ZNF233: variants seen among roughly 807,000 people sequenced by gnomAD.
The protein encoded by ZNF233 is zinc finger protein 233.
Under a neutral mutation model 11.6 loss-of-function variants are expected in ZNF233, and 7 were observed. That is an observed-to-expected ratio of 0.60 (90% CI 0.34 to 1.13). The LOEUF is 1.13. Among genes scored for constraint, ZNF233 ranks in the 50% most tolerant of loss-of-function variants. The pLI, the probability that ZNF233 is intolerant of heterozygous loss-of-function variation, is 0.03. For synonymous variants in ZNF233, 226 were observed against 268.5 expected (o/e 0.84, Z 1.55); for missense variants, 711 against 785.5 (o/e 0.91, Z 1.13).
At chr19:44,263,411 C>T (rs1401977588) in intron 1 of ZNF233, among the ~76,000 whole-genome samples, 9 of 151,990 alleles carry the variant, frequency 5.9e-5, no homozygotes, top group Non-Finnish European at 1.2e-4. Flanking sequence ...CTCATTAATC[C>T]CCAAAGCAAC....
intron 4 of ZNF233, among the ~76,000 whole-genome samples, chr19:44,268,734 A>C (rs1975160775): frequency 6.6e-6 from 1 of 152,074 alleles, no homozygotes; most frequent in East Asian, 1.9e-4. Flanking sequence ...TCATCCATAC[A>C]CCCAGTGACA....
In ZNF233 at chr19:44,273,133, T is replaced by C; in HGVS notation, c.473T>C (p.Val158Ala). The change falls in exon 5 of 5, where the codon GTA (valine) becomes GCA (alanine). Residue 158 changes from valine to alanine, a missense_variant. By Grantham distance (64) the Val-to-Ala change is moderately conservative (BLOSUM62 0). Coordinates refer to ENST00000683810, the MANE Select transcript of ZNF233 (RefSeq NM_001207005.2). Reference sequence around the variant, plus strand: ...CAGGTCTCTGAAGATGAGAACTATGTAATAAAGCTACAAGGGGAGAGTTCA... The same window carrying C: ...CAGGTCTCTGAAGATGAGAACTATGCAATAAAGCTACAAGGGGAGAGTTCA... ...SSQVSEDENY[V>A]IKLQGESSNS... 6.2e-7 allele frequency: 1 copy of C among 1,613,970 alleles called. No homozygotes were observed. Among genetic ancestry groups the C allele is most frequent in the South Asian group, 1.1e-5 (1 of 91,068 alleles).
At position 44,275,029 on chromosome 19, in the gene ZNF233, TATA is replaced by T. The variant is rs559376401; in HGVS notation, c.*359_*361del. Reference sequence around the variant, plus strand: ...AAGTAAGGTCAGAATTTAGCAAAAGTATAATGAGGGACATGACAAAATCTGTGT... The same window carrying T: ...AAGTAAGGTCAGAATTTAGCAAAAGTATGAGGGACATGACAAAATCTGTGT... On this transcript the variant is annotated 3_prime_UTR_variant, in exon 5 of 5. Transcript: ENST00000683810. 1,641 of 406,998 alleles carry T rather than the reference TATA, an allele frequency of 4.0e-3. 27 individuals carry two copies. Among genetic ancestry groups the T allele is most frequent in the Non-Finnish European group, 1.8e-3 (408 of 230,216 alleles). The allele number at this position is 406,998 out of a possible 1,614,324, so 25.2% of individuals were successfully genotyped here.
chr19:44,270,677 G>A (rs12462557), intron 4 of ZNF233, among the ~76,000 whole-genome samples: 67,083 of 152,050 alleles, frequency 0.44, 16,570 homozygotes, highest in South Asian at 0.65. Flanking sequence ...TGCCGTCCCC[G>A]GAAGGCTGGA....
Position 44,274,568 on chromosome 19 carries a change from A to T in ZNF233, c.1908A>T (p.Gln636His), listed in dbSNP as rs1366663636. Residue 636 changes from glutamine (Q) to histidine (H), a missense_variant, in exon 5 of 5, where the codon CAA becomes CAT. Gln to His is a conservative substitution (Grantham distance 24, BLOSUM62 0). Transcript: ENST00000683810. Reference sequence around the variant, plus strand: ...GCTTCAGTCAGACTTCACATCTTCAAGCCCATCAGAGAGTCCATACTGGAG... The same window carrying T: ...GCTTCAGTCAGACTTCACATCTTCATGCCCATCAGAGAGTCCATACTGGAG... ...GKSFSQTSHLQAHQRVHTGEK... is the reference protein window; with the variant it reads ...GKSFSQTSHLHAHQRVHTGEK... 6.2e-7 allele frequency: 1 copy of T among 1,613,782 alleles called. No homozygotes were observed. The highest frequency in any genetic ancestry group is 8.5e-7 in the Non-Finnish European group (1 of 1,179,934).
At chr19:44,265,362 TATATAC>T (rs774674071) in intron 2 of ZNF233, among the ~76,000 whole-genome samples, 4,217 of 87,570 alleles carry the variant, frequency 0.048, 153 homozygotes, top group African/African-American at 0.12. Context: ...CCATCATATA[TATATAC>T]ACACACACAC....
intron 4 of ZNF233, 165 bp downstream of exon 4, chr19:44,267,126 C>G (rs12971953): frequency 9.4e-6 from 5 of 532,412 alleles, no homozygotes; most frequent in Non-Finnish European, 1.7e-5. Flanking sequence ...CCAGTCCATT[C>G]TCCACATAGC....
chr19:44,267,099 C>T, intron 4 of ZNF233, 138 bp downstream of exon 4: 1 of 561,522 alleles, frequency 1.8e-6, no homozygotes, highest in Non-Finnish European at 3.2e-6. Context: ...ACATGACCTT[C>T]CTCCTTCTAC....
chr19:44,260,801 C>T (rs1377295643), intron 1 of ZNF233, among the ~76,000 whole-genome samples: 4 of 152,168 alleles, frequency 2.6e-5, no homozygotes, highest in South Asian at 2.1e-4. Context: ...AGATTTCCCA[C>T]ACTCATTAGC....
intron 4 of ZNF233, chr19:44,267,164 T>A (rs746464592): frequency 2.3e-6 from 1 of 440,596 alleles, no homozygotes; most frequent in Non-Finnish European, 4.1e-6. Flanking sequence ...ATCATGTCGC[T>A]CCTTGGCTCA....
chr19:44,264,441 T>C, intron 2 of ZNF233, 66 bp downstream of exon 2: 8 of 1,476,474 alleles, frequency 5.4e-6, no homozygotes, highest in Non-Finnish European at 7.4e-6. Flanking sequence ...TAGACACTTT[T>C]TTTTCTCTTC....
chr19:44,265,364 T>TACACAC (rs1464898857), intron 2 of ZNF233, among the ~76,000 whole-genome samples: 4 of 57,870 alleles, frequency 6.9e-5, no homozygotes, highest in Non-Finnish European at 1.0e-4. Context: ...ATCATATATA[T>TACACAC]ATACACACAC....
In ZNF233 at chr19:44,264,344, A is replaced by G; in HGVS notation, c.-17A>G. Reference sequence around the variant, plus strand: ...CCTTCCCAGGACCCTGCCCTTCCCCAGAAGGAGCAGGAGAAAATGACCAAG... The same window carrying G: ...CCTTCCCAGGACCCTGCCCTTCCCCGGAAGGAGCAGGAGAAAATGACCAAG... On this transcript the variant is annotated 5_prime_UTR_variant, in exon 2 of 5. Coordinates refer to ENST00000683810, the MANE Select transcript of ZNF233 (RefSeq NM_001207005.2). 1 of 1,613,078 alleles carries G rather than the reference A, an allele frequency of 6.2e-7. No homozygotes were observed. Among genetic ancestry groups the G allele is most frequent in the Non-Finnish European group, 8.5e-7 (1 of 1,179,432 alleles).
At chr19:44,270,671 G>A (rs558118287) in intron 4 of ZNF233, among the ~76,000 whole-genome samples, 66 of 152,290 alleles carry the variant, frequency 4.3e-4, no homozygotes, top group Admixed American at 1.8e-3. Flanking sequence ...CGGAGCTGCC[G>A]TCCCCGGAAG....
chr19:44,273,799 A>G lies in ZNF233; in HGVS notation c.1139A>G (p.His380Arg). The stretch of plus-strand genomic sequence containing the variant: ...TGTGGCAGGTGTGGGAAGGGCTTCC[A>G]TCATAGCTTAGATTTTGACATTCAC... ...CTCGRCGKGF[H>R]HSLDFDIHCV... The change falls in exon 5 of 5, where the codon CAT becomes CGT. Residue 380 changes from histidine to arginine, a missense_variant. Coordinates refer to ENST00000683810, the MANE Select transcript of ZNF233 (RefSeq NM_001207005.2). 6.2e-7 allele frequency: 1 copy of G among 1,614,018 alleles called. No homozygotes were observed. Among genetic ancestry groups the G allele is most frequent in the Non-Finnish European group, 8.5e-7 (1 of 1,179,982 alleles).
chr19:44,263,087 AT>A (rs1974979416), intron 1 of ZNF233, among the ~76,000 whole-genome samples: 1 of 152,214 alleles, frequency 6.6e-6, no homozygotes, highest in South Asian at 2.1e-4. Context: ...GACAGTCATC[AT>A]ATCATCACTT....
Position 44,274,951 on chromosome 19 carries a change from C to G in ZNF233, c.*278C>G, listed in dbSNP as rs2123075036. On this transcript the variant is annotated 3_prime_UTR_variant, in exon 5 of 5. Coordinates refer to ENST00000683810, the MANE Select transcript of ZNF233 (RefSeq NM_001207005.2). ...AAAGAATGATACAATATGTTTCAAT[C>G]AGAACCTTCACATCCAATAAGCAAT... 1 of 429,306 alleles carries G rather than the reference C, an allele frequency of 2.3e-6. No homozygotes were observed. The highest frequency in any genetic ancestry group is 4.1e-6 in the Non-Finnish European group (1 of 242,954). 26.6% of individuals were successfully genotyped at this position (429,306 alleles called of 1,614,324 possible).
chr19:44,274,411 G>T lies in ZNF233; in HGVS notation c.1751G>T (p.Arg584Ile). The change falls in exon 5 of 5, where the codon AGA becomes ATA. Residue 584 changes from arginine to isoleucine, a missense_variant. Transcript: ENST00000683810. The part of the protein sequence containing the change: ...SWSSHLQAHQ[R>I]VHTGEKPYKC... ...AGTTCACATCTTCAAGCCCATCAGAGAGTCCACACAGGAGAGAAACCATAC... is the reference window on the plus strand; with the variant it reads ...AGTTCACATCTTCAAGCCCATCAGATAGTCCACACAGGAGAGAAACCATAC... 1.2e-6 allele frequency: 2 copies of T among 1,614,240 alleles called. No homozygotes were observed.
rs1975350418 is a variant in ZNF233 at position 44,274,832 on chromosome 19, T to C, written c.*159T>C. ...GTTTTTATAGTTATCTGAATTCCATTGAAGAAAACCTATTTTTGTATGAAT... is the reference window on the plus strand; with the variant it reads ...GTTTTTATAGTTATCTGAATTCCATCGAAGAAAACCTATTTTTGTATGAAT... On this transcript the variant is annotated 3_prime_UTR_variant, in exon 5 of 5. Coordinates refer to ENST00000683810, the MANE Select transcript of ZNF233 (RefSeq NM_001207005.2). 1 of 635,500 alleles carries C rather than the reference T, an allele frequency of 1.6e-6. No individual in the cohort carries two copies. Among genetic ancestry groups the C allele is most frequent in the Non-Finnish European group, 2.5e-6 (1 of 398,432 alleles). 39.4% of individuals were successfully genotyped at this position (635,500 alleles called of 1,614,324 possible). A position where few individuals can be genotyped will look rare whatever the true frequency, so the allele number is the denominator to read the frequency against.
Sources: allele counts gnomAD v4.1 joint callset (sites outside exome capture counted in the v4.1 genomes callset), GRCh38; gene constraint gnomAD v4.1.1; transcripts MANE v1.5; gene names NCBI Gene and HGNC (gene_info 2026-07-23, HGNC 2026-07-21).